The following SIRT4 variants were observed in gnomAD, a reference collection of about 807,000 sequenced individuals.
SIRT4 encodes sirtuin 4.
In SIRT4, 23 loss-of-function variants were observed where a neutral mutation model predicts 26.1. The ratio of observed to expected loss-of-function variants is 0.88; its 90% CI spans 0.63 to 1.25. SIRT4 has a LOEUF of 1.25. Ranked by LOEUF, SIRT4 falls within the 50% of genes most tolerant of loss-of-function variation. The probability of loss-of-function intolerance (pLI) is 0.00; values close to 1 mark genes in which losing one functional copy is unlikely to be tolerated. For missense variants in SIRT4, 361 were observed against 405.4 expected (o/e 0.89, Z 0.94); for synonymous variants, 155 against 158.4 (o/e 0.98, Z 0.16).
At position 120,312,979 on chromosome 12, in the gene SIRT4, G is replaced by T. The variant is rs148579226; in HGVS notation, c.888G>T (p.Ala296=). The T allele has an allele frequency of 6.6e-5, 106 of 1,614,040 alleles. 1 individual carries two copies. The African/African-American group carries it at 1.2e-3, about 18-fold the overall frequency. The change falls in exon 4 of 4, where the codon GCG becomes GCT. Residue 296 remains alanine (A), a synonymous_variant. Coordinates refer to ENST00000202967, the MANE Select transcript of SIRT4 (RefSeq NM_012240.3). ...GGCCCACACGGTCGGATGACTTGGC[G>T]TGTCTGAAACTGAATTCTCGTTGTG... The part of the protein sequence containing the change: ...NIGPTRSDDL[A]CLKLNSRCGE...
At chr12:120,292,917 T>G in the SIRT4 span, among the ~76,000 whole-genome samples, 1 of 152,154 alleles carries the variant, frequency 6.6e-6, no homozygotes, top group African/African-American at 2.4e-5. Context: ...AACTCCAACT[T>G]TCATAAACGC....
the SIRT4 span, chr12:120,293,082 T>TGCAAGA: frequency 1.2e-5 from 1 of 84,380 alleles, no homozygotes; most frequent in Non-Finnish European, 2.7e-5. Flanking sequence ...GTTGTTCAAC[T>TGCAAGA]GCAAGAAAAT....
rs200885931 is a variant in SIRT4, at chr12:120,312,959, A to G, written c.868A>G (p.Thr290Ala). The G allele has an allele frequency of 1.2e-6, 2 of 1,614,136 alleles. No individual in the cohort carries two copies. Among genetic ancestry groups the G allele is most frequent in the South Asian group, 1.1e-5 (1 of 91,082 alleles). ...LPIAILNIGP[T>A]RSDDLACLKL... Reference sequence around the variant, plus strand: ...GATTGCAATACTGAACATTGGGCCCACACGGTCGGATGACTTGGCGTGTCT... The same window carrying G: ...GATTGCAATACTGAACATTGGGCCCGCACGGTCGGATGACTTGGCGTGTCT... Residue 290 changes from threonine (T) to alanine (A), a missense_variant, in exon 4 of 4, where the codon ACA (threonine) becomes GCA (alanine). Coordinates refer to ENST00000202967, the MANE Select transcript of SIRT4 (RefSeq NM_012240.3).
At chr12:120,293,295 G>A in the SIRT4 span, 2 of 152,306 alleles carry the variant, frequency 1.3e-5, no homozygotes, top group East Asian at 1.9e-4. Context: ...TTTCGCAAAG[G>A]TGAGTTTAGG....
Position 120,313,178 on chromosome 12 carries a change from A to G in SIRT4, c.*142A>G, listed in dbSNP as rs1592904062. The G allele has an allele frequency of 2.3e-6, 2 of 865,544 alleles. No individual in the cohort carries two copies. The highest frequency in any genetic ancestry group is 2.5e-5 in the East Asian group (1 of 40,556). The allele number at this position is 865,544 out of a possible 1,614,324, so 53.6% of individuals were successfully genotyped here. The stretch of plus-strand genomic sequence containing the variant: ...TGACAAAGTATAGAAGGTTCTAGGT[A>G]TCTTAATGTGTGGATATTCTTAATT... On this transcript the variant is annotated 3_prime_UTR_variant, in exon 4 of 4. Coordinates refer to ENST00000202967, the MANE Select transcript of SIRT4 (RefSeq NM_012240.3).
chr12:120,306,011 CAAA>C (rs1297577997), intron 2 of SIRT4, among the ~76,000 whole-genome samples: 4 of 73,786 alleles, frequency 5.4e-5, no homozygotes, highest in Admixed American at 1.5e-4. Context: ...GACTCCGTCT[CAAA>C]AAAAAAAAAA....
At chr12:120,304,299 G>C (rs1872658393) in intron 2 of SIRT4, among the ~76,000 whole-genome samples, 1 of 152,202 alleles carries the variant, frequency 6.6e-6, no homozygotes, top group African/African-American at 2.4e-5. Context: ...CTGGGGTTCA[G>C]TCCTGTGAGG....
chr12:120,299,004 A>G (rs1872443070), upstream of SIRT4, among the ~76,000 whole-genome samples: 1 of 150,104 alleles, frequency 6.7e-6, no homozygotes, highest in Non-Finnish European at 1.5e-5. Context: ...AGGCGGGCGG[A>G]TCACGAGGTC....
intron 1 of SIRT4, 47 bp downstream of exon 1, chr12:120,302,425 T>C (rs1174574913): frequency 6.6e-6 from 1 of 152,312 alleles, no homozygotes; most frequent in Non-Finnish European, 1.5e-5. Context: ...GTTGTGGATT[T>C]CTTGTGAGGG....
upstream of SIRT4, among the ~76,000 whole-genome samples, chr12:120,299,806 C>T (rs1237559457): frequency 6.6e-6 from 1 of 152,108 alleles, no homozygotes; most frequent in East Asian, 1.9e-4. Context: ...TCATCACTAA[C>T]CCCATCAGAC....
chr12:120,295,721 C>T, the SIRT4 span, among the ~76,000 whole-genome samples: 1 of 151,882 alleles, frequency 6.6e-6, no homozygotes. Context: ...GCAACTTTCA[C>T]CCTCACTGCC....
At chr12:120,302,716 TTTTC>T (rs1476562437) in intron 1 of SIRT4, among the ~76,000 whole-genome samples, 2 of 151,444 alleles carry the variant, frequency 1.3e-5, no homozygotes, top group East Asian at 1.9e-4. Flanking sequence ...AGTTTTTTCT[TTTTC>T]TTTTTTTTTT....
chr12:120,303,948 C>G lies in SIRT4; in HGVS notation c.387C>G (p.Ser129Arg). The change falls in exon 2 of 4, where the codon AGC becomes AGG. Residue 129 changes from serine (S) to arginine (R), a missense_variant. Ser to Arg is a moderately radical substitution (Grantham distance 110). Coordinates refer to ENST00000202967, the MANE Select transcript of SIRT4 (RefSeq NM_012240.3). ...HQPNPAHWALSTWEKLGKLYW... is the reference protein window; with the variant it reads ...HQPNPAHWALRTWEKLGKLYW... The stretch of plus-strand genomic sequence containing the variant: ...CTAACCCTGCACACTGGGCTTTGAG[C>G]ACCTGGGAGAAACTCGGAAAGCTGT... The G allele has an allele frequency of 1.2e-6, 2 of 1,614,184 alleles. No individual in the cohort carries two copies. The highest frequency in any genetic ancestry group is 1.7e-6 in the Non-Finnish European group (2 of 1,180,032).
chr12:120,299,346 G>T (rs761279093), upstream of SIRT4, among the ~76,000 whole-genome samples: 1 of 151,178 alleles, frequency 6.6e-6, no homozygotes, highest in Non-Finnish European at 1.5e-5. Flanking sequence ...GAGGTCACGA[G>T]TTCAAAACCA....
At chr12:120,292,375 G>C in the SIRT4 span, among the ~76,000 whole-genome samples, 19 of 152,152 alleles carry the variant, frequency 1.2e-4, no homozygotes, top group African/African-American at 4.1e-4. Context: ...GGCCGAGGCG[G>C]GTGGATCACG....
chr12:120,304,837 T>A (rs7397076), intron 2 of SIRT4, among the ~76,000 whole-genome samples: 1,185 of 7,144 alleles, frequency 0.17, 3 homozygotes, highest in Middle Eastern at 0.33. Flanking sequence ...ATATATATAT[T>A]TTTTTTTTTT....
At chr12:120,291,838 T>C in the SIRT4 span, 1 of 152,248 alleles carries the variant, frequency 6.6e-6, no homozygotes, top group Non-Finnish European at 1.5e-5. Flanking sequence ...GGGAAAAGTT[T>C]TCAATTAGCA....
the SIRT4 span, among the ~76,000 whole-genome samples, chr12:120,295,413 T>C: frequency 7.7e-6 from 1 of 130,588 alleles, no homozygotes; most frequent in African/African-American, 3.0e-5. Flanking sequence ...AATATATATA[T>C]AGATAATTTT....
intron 2 of SIRT4, among the ~76,000 whole-genome samples, chr12:120,306,707 G>T (rs1592898504): frequency 6.6e-6 from 1 of 151,828 alleles, no homozygotes; most frequent in Admixed American, 6.6e-5. Context: ...GGAGGCTGAG[G>T]CACGAGAGTC....
Sources: allele counts gnomAD v4.1 joint callset (sites outside exome capture counted in the v4.1 genomes callset), GRCh38; gene constraint gnomAD v4.1.1; transcripts MANE v1.5; gene names NCBI Gene and HGNC (gene_info 2026-07-23, HGNC 2026-07-21).